Variants in WAC observed in about 807,000 individuals in gnomAD.
WAC encodes the protein WW domain-containing adapter protein with coiled-coil.
Under a neutral mutation model 79.6 loss-of-function variants are expected in WAC, and 11 were observed. That is an observed-to-expected ratio of 0.14 (90% confidence interval 0.09 to 0.23). The LOEUF (loss-of-function observed/expected upper bound fraction) is 0.23, where lower values mean the gene tolerates loss of function less well. Ranked by LOEUF, WAC falls within the 10% of genes least tolerant of loss-of-function variation. The probability of loss-of-function intolerance (pLI) is 1.00; values close to 1 mark genes in which losing one functional copy is unlikely to be tolerated. For synonymous variants in WAC, 304 were observed against 276.9 expected (o/e 1.10, Z -0.97); for missense variants, 728 against 773.5 (o/e 0.94, Z 0.70).
intron 3 of WAC, among the ~76,000 whole-genome samples, chr10:28,540,019 C>T (rs916648677): frequency 6.6e-6 from 1 of 151,876 alleles, no homozygotes; most frequent in East Asian, 1.9e-4. Context: ...AATTTAGTAA[C>T]GTTTGAGTCT....
intron 3 of WAC, among the ~76,000 whole-genome samples, chr10:28,558,141 T>C (rs1838099669): frequency 6.6e-6 from 1 of 152,200 alleles, no homozygotes; most frequent in Admixed American, 6.5e-5. Flanking sequence ...GGGTCATCTT[T>C]TGGCCTATCT....
chr10:28,580,569 T>C (rs1434928628), intron 3 of WAC, among the ~76,000 whole-genome samples: 1 of 152,190 alleles, frequency 6.6e-6, no homozygotes, highest in Non-Finnish European at 1.5e-5. Flanking sequence ...AATGGATTAC[T>C]CTGGGATTTA....
chr10:28,590,304 G>A (rs1840019191), intron 5 of WAC, among the ~76,000 whole-genome samples: 1 of 99,706 alleles, frequency 1.0e-5, no homozygotes, highest in East Asian at 2.9e-4. Flanking sequence ...AGAGCAAGAT[G>A]CTATCTCAAA....
chr10:28,598,235 C>G (rs1177571908), intron 7 of WAC, among the ~76,000 whole-genome samples: 1 of 152,310 alleles, frequency 6.6e-6, no homozygotes, highest in East Asian at 1.9e-4. Flanking sequence ...ATAGCAAGCA[C>G]TTGACAGGAT....
At position 28,614,551 on chromosome 10, in the gene WAC, G is replaced by A. The variant is rs1824810964; in HGVS notation, c.1438-16G>A. 6.2e-7 allele frequency: 1 copy of A among 1,605,252 alleles called. No homozygotes were observed. The highest frequency in any genetic ancestry group is 8.5e-7 in the Non-Finnish European group (1 of 1,172,414). On this transcript the variant is annotated splice_polypyrimidine_tract_variant and intron_variant, in intron 10 of 13. Transcript: ENST00000354911. ...ATTAGATTTGGAGACCATCTCACCAGATTTTGACATTTCAGGTTAGTACTC... is the reference window on the plus strand; with the variant it reads ...ATTAGATTTGGAGACCATCTCACCAAATTTTGACATTTCAGGTTAGTACTC...
chr10:28,590,970 T>C, intron 6 of WAC, 138 bp downstream of exon 6: 2 of 760,532 alleles, frequency 2.6e-6, no homozygotes, highest in South Asian at 3.4e-5. Flanking sequence ...TTGGATTTAT[T>C]ATACCCTCCA....
At chr10:28,605,113 T>C (rs188215244) in intron 7 of WAC, among the ~76,000 whole-genome samples, 1 of 152,354 alleles carries the variant, frequency 6.6e-6, no homozygotes, top group Admixed American at 6.5e-5. Context: ...TATAGCATGC[T>C]GAAGACCTGC....
rs946282063 is a variant in WAC, at chr10:28,621,635, G to A, written c.*2029G>A. 6.6e-6 allele frequency: 1 copy of A among 152,144 alleles called. No individual in the cohort carries two copies. Among genetic ancestry groups the A allele is most frequent in the African/African-American group, 2.4e-5 (1 of 41,430 alleles). 9.4% of individuals were successfully genotyped at this position (152,144 alleles called of 1,614,324 possible). ...TAGTGCATGTAAATGAAACCCCAAA[G>A]AGCTGTGTGTTCAGCTAGAAACCTT... is the stretch of plus-strand genomic sequence containing the variant. On this transcript the variant is annotated 3_prime_UTR_variant, in exon 14 of 14. Transcript: ENST00000354911.
chr10:28,552,609 ATCATATAG>A (rs1334832167), intron 3 of WAC, among the ~76,000 whole-genome samples: 1 of 152,206 alleles, frequency 6.6e-6, no homozygotes, highest in Admixed American at 6.5e-5. Context: ...AAAATTTTGA[ATCATATAG>A]TCAGAACTCT....
rs961721042 is a variant in WAC at position 28,533,160 on chromosome 10, A to AGCGGCGGCG, written c.-409_-401dup. On this transcript the variant is annotated 5_prime_UTR_variant, in exon 1 of 14. Coordinates refer to ENST00000354911, the MANE Select transcript of WAC (RefSeq NM_016628.5). ...TTGGTGGAGCGGCAGCGGCGGCACC[A>AGCGGCGGCG]GCGGCGGCGGCGGCGGCGGGAGGAG... 4.0e-5 allele frequency among the ~76,000 whole-genome samples: 6 copies of AGCGGCGGCG among 149,548 alleles called. No homozygotes were observed. In the East Asian group the frequency reaches 9.8e-4, roughly 24 times the overall value.
At chr10:28,604,053 G>A (rs1035269064) in intron 7 of WAC, among the ~76,000 whole-genome samples, 2 of 137,990 alleles carry the variant, frequency 1.4e-5, no homozygotes, top group Non-Finnish European at 3.1e-5. Context: ...CCAAAGTTTT[G>A]TTGCCTTTGT....
Position 28,608,188 on chromosome 10 carries a change from T to C in WAC, c.922T>C (p.Ser308Pro). The change falls in exon 8 of 14, where the codon TCT (serine) becomes CCT (proline). Residue 308 changes from serine to proline, a missense_variant and splice_region_variant. Physicochemically the swap from Ser to Pro is moderately conservative, Grantham distance 74. This residue lies in a region of WAC where 648 missense variants were observed against 661.5 expected (regional missense o/e 0.98). Transcript: ENST00000354911. Reference protein sequence around the residue: ...VPAQKTERKESTSGDKPVSHS... With the variant: ...VPAQKTERKEPTSGDKPVSHS... ...AGGCTGATTATCTTTTTATTTAGAATCTACATCAGGAGACAAACCCGTATC... is the reference window on the plus strand; with the variant it reads ...AGGCTGATTATCTTTTTATTTAGAACCTACATCAGGAGACAAACCCGTATC... The C allele has an allele frequency of 1.2e-6, 2 of 1,613,626 alleles. No individual in the cohort carries two copies. The highest frequency in any genetic ancestry group is 2.2e-5 in the South Asian group (2 of 90,996).
At chr10:28,612,047 G>T in intron 10 of WAC, 125 bp downstream of exon 10, 1 of 1,182,426 alleles carries the variant, frequency 8.5e-7, no homozygotes, top group Non-Finnish European at 1.2e-6. Context: ...TGAATGACAG[G>T]TATGATAGTA....
intron 3 of WAC, among the ~76,000 whole-genome samples, chr10:28,540,222 T>C (rs1424579103): frequency 1.3e-5 from 2 of 152,220 alleles, no homozygotes; most frequent in Non-Finnish European, 2.9e-5. Flanking sequence ...AGTATCCTTA[T>C]TTCCAGTTTT....
intron 7 of WAC, among the ~76,000 whole-genome samples, chr10:28,603,541 T>C (rs1840744155): frequency 6.6e-6 from 1 of 152,216 alleles, no homozygotes; most frequent in Non-Finnish European, 1.5e-5. Flanking sequence ...ATGTTCAGTT[T>C]GTTGCAAACA....
intron 1 of WAC, 110 bp downstream of exon 1, chr10:28,533,730 T>C (rs1375414885): frequency 4.2e-6 from 4 of 953,102 alleles, no homozygotes; most frequent in Non-Finnish European, 6.1e-6. Context: ...TTAACCCTGA[T>C]CCGGATCGGG....
chr10:28,619,470 A>G, intron 13 of WAC, 67 bp from the exon 14 acceptor site: 1 of 1,225,982 alleles, frequency 8.2e-7, no homozygotes, highest in Non-Finnish European at 1.1e-6. Context: ...TTTTAATTAT[A>G]AAAGCTCGGG....
At chr10:28,584,149 A>C (rs887016032) in intron 4 of WAC, among the ~76,000 whole-genome samples, 14 of 152,222 alleles carry the variant, frequency 9.2e-5, no homozygotes, top group African/African-American at 3.1e-4. Flanking sequence ...CCTGTGGTAG[A>C]GACAGAAAAG....
intron 3 of WAC, among the ~76,000 whole-genome samples, chr10:28,551,784 T>TTG (rs71769370): frequency 0.042 from 5,297 of 124,748 alleles, 190 homozygotes; most frequent in African/African-American, 0.094. Flanking sequence ...TCCTGTCTAC[T>TTG]TGTGTGTGTG....
Sources: allele counts gnomAD v4.1 joint callset (sites outside exome capture counted in the v4.1 genomes callset), GRCh38; gene constraint gnomAD v4.1.1; regional missense constraint gnomAD v4.1.1; transcripts MANE v1.5; gene names NCBI Gene and HGNC (gene_info 2026-07-23, HGNC 2026-07-21).